Variants in MYLK4 observed in about 807,000 individuals in gnomAD.
The protein encoded by MYLK4 is myosin light chain kinase family member 4, also known as caMLCK like.
MYLK4 carries 46 observed loss-of-function variants against 48.1 expected under a neutral mutation model. That is an observed-to-expected ratio of 0.96 (90% CI 0.75 to 1.22). The LOEUF (loss-of-function observed/expected upper bound fraction) is 1.22. Among genes scored for constraint, MYLK4 ranks in the 50% most tolerant of loss-of-function variants. The pLI is 0.00. For missense variants in MYLK4, 451 were observed against 486.1 expected (o/e 0.93, Z 0.68); for synonymous variants, 170 against 180.8 (o/e 0.94, Z 0.48).
At chr6:2,748,519 T>C (rs1764178218) in intron 2 of MYLK4, among the ~76,000 whole-genome samples, 1 of 152,250 alleles carries the variant, frequency 6.6e-6, no homozygotes. Context: ...TGACAGATAC[T>C]AGGCGGAGTG....
chr6:2,767,815 A>G, the MYLK4 span, among the ~76,000 whole-genome samples: 6 of 152,162 alleles, frequency 3.9e-5, no homozygotes, highest in East Asian at 3.8e-4. Context: ...GCTCAGTGAG[A>G]TGGGCGTTGG....
chr6:2,716,801 C>G (rs1326521337), intron 2 of MYLK4, among the ~76,000 whole-genome samples: 3 of 152,182 alleles, frequency 2.0e-5, no homozygotes, highest in African/African-American at 7.2e-5. Context: ...ATAGTAGTTC[C>G]TATCTGACAG....
chr6:2,675,216 G>A (rs1457683260), intron 10 of MYLK4, 91 bp from the exon 11 acceptor site: 2 of 893,360 alleles, frequency 2.2e-6, no homozygotes, highest in Non-Finnish European at 3.7e-6. Flanking sequence ...CTGCCTTCGG[G>A]AGACCAGATG....
At chr6:2,669,641 T>C (rs1760806979) in intron 12 of MYLK4, among the ~76,000 whole-genome samples, 1 of 152,108 alleles carries the variant, frequency 6.6e-6, no homozygotes, top group South Asian at 2.1e-4. Flanking sequence ...CACAGCCTGG[T>C]TGTCTGTGGA....
Position 2,678,366 on chromosome 6 carries a change from G to C in MYLK4, c.894C>G (p.Ser298Arg), listed in dbSNP as rs146700839. ...SVGVIAYMLL[S>R]GLSPFLGDND... Reference sequence around the variant, plus strand: ...TGTCACCCAGGAAAGGCGACAAACCGCTAAGTCTGGAGGACACGGGGTCCA... The same window carrying C: ...TGTCACCCAGGAAAGGCGACAAACCCCTAAGTCTGGAGGACACGGGGTCCA... The change falls in exon 10 of 13, where the codon AGC becomes AGG. Residue 298 changes from serine to arginine, a missense_variant. Ser to Arg is a moderately radical substitution (Grantham distance 110). Coordinates refer to ENST00000274643, the MANE Select transcript of MYLK4 (RefSeq NM_001012418.5). The C allele has an allele frequency of 6.2e-7, 1 of 1,613,798 alleles. No individual in the cohort carries two copies. The highest frequency in any genetic ancestry group is 8.5e-7 in the Non-Finnish European group (1 of 1,179,994).
At chr6:2,759,847 G>A in the MYLK4 span, among the ~76,000 whole-genome samples, 1 of 152,132 alleles carries the variant, frequency 6.6e-6, no homozygotes, top group Non-Finnish European at 1.5e-5. Flanking sequence ...GATTGAAGTA[G>A]ACTTTTGTCA....
the MYLK4 span, chr6:2,766,463 G>A: frequency 2.3e-5 from 34 of 1,497,818 alleles, no homozygotes; most frequent in Non-Finnish European, 2.7e-5. Flanking sequence ...GGCCTTGGCC[G>A]TTGGGCTTCC....
chr6:2,765,792 C>G, the MYLK4 span: 2 of 1,416,856 alleles, frequency 1.4e-6, no homozygotes, highest in South Asian at 2.9e-5. Flanking sequence ...TCGCACCGCG[C>G]CGGGGAGCGG....
intron 2 of MYLK4, among the ~76,000 whole-genome samples, chr6:2,693,208 A>C (rs9391962): frequency 0.23 from 35,395 of 152,178 alleles, 4,285 homozygotes; most frequent in African/African-American, 0.28. Context: ...TATAGACTAC[A>C]GTATCTGAAA....
chr6:2,761,131 G>A, the MYLK4 span, among the ~76,000 whole-genome samples: 4 of 152,186 alleles, frequency 2.6e-5, no homozygotes, highest in Non-Finnish European at 5.9e-5. Context: ...CAGCCAGGCT[G>A]ACTCTACTTG....
At chr6:2,758,858 C>A in the MYLK4 span, among the ~76,000 whole-genome samples, 1 of 152,022 alleles carries the variant, frequency 6.6e-6, no homozygotes, top group Non-Finnish European at 1.5e-5. Flanking sequence ...ATGAATATTA[C>A]AAAATGTATG....
In MYLK4 at chr6:2,666,244, G is replaced by A. The variant is rs12203065; in HGVS notation, c.*1681C>T. ...TGGATCTGAGAGATAATGGGGGAAAGCTGATGCAAAGTGAAACTGCCATCC... is the reference window on the plus strand; with the variant it reads ...TGGATCTGAGAGATAATGGGGGAAAACTGATGCAAAGTGAAACTGCCATCC... On this transcript the variant is annotated 3_prime_UTR_variant, in exon 13 of 13. Transcript: ENST00000274643. The A allele has an allele frequency of 0.38, 57,766 of 152,020 alleles. 11,278 individuals carry two copies. The highest frequency in any genetic ancestry group is 0.4 in the Non-Finnish European group (27,429 of 67,962). 9.4% of individuals were successfully genotyped at this position (152,020 alleles called of 1,614,324 possible).
At position 2,683,107 on chromosome 6, in the gene MYLK4, C is replaced by T. The variant is rs763361432; in HGVS notation, c.601G>A (p.Glu201Lys). 1.9e-6 allele frequency: 3 copies of T among 1,614,128 alleles called. No homozygotes were observed. The highest frequency in any genetic ancestry group is 1.7e-6 in the Non-Finnish European group (2 of 1,180,042). ...RIIDESYNLT[E>K]LDTILFMKQI... ...TTCATGAACAGGATGGTATCAAGCT[C>T]CGTCAAATTGTAGCTCTCATCGATG... Residue 201 changes from glutamate to lysine, a missense_variant, in exon 7 of 13, where the codon GAG (glutamate) becomes AAG (lysine). Coordinates refer to ENST00000274643, the MANE Select transcript of MYLK4 (RefSeq NM_001012418.5).
chr6:2,749,817 G>A (rs1386902893), intron 1 of MYLK4, among the ~76,000 whole-genome samples: 1 of 152,178 alleles, frequency 6.6e-6, no homozygotes, highest in Non-Finnish European at 1.5e-5. Context: ...TCCCTCTGCA[G>A]AGGGATCGCT....
In MYLK4 at chr6:2,677,725, G is replaced by C. The variant is rs367938386; in HGVS notation, c.1040+495C>G. On this transcript the variant is annotated intron_variant, in intron 10 of 12. Coordinates refer to ENST00000274643, the MANE Select transcript of MYLK4 (RefSeq NM_001012418.5). ...CTGTTCTGCCAATTACTGGCGGTAT[G>C]ATGATGGGCAAACCACGTGGGATCT... Among the ~76,000 whole-genome samples the C allele has an allele frequency of 4.6e-5, 7 of 152,324 alleles. No individual in the cohort carries two copies. The South Asian group carries it at 1.2e-3, about 27-fold the overall frequency.
intron 2 of MYLK4, among the ~76,000 whole-genome samples, chr6:2,735,563 T>C (rs1457764485): frequency 6.6e-6 from 1 of 152,206 alleles, no homozygotes; most frequent in African/African-American, 2.4e-5. Context: ...CAATTGAGAA[T>C]GGACATGTCT....
chr6:2,762,715 T>A, the MYLK4 span, among the ~76,000 whole-genome samples: 5 of 152,222 alleles, frequency 3.3e-5, no homozygotes, highest in Non-Finnish European at 7.3e-5. Flanking sequence ...ACGGAAACTG[T>A]TAACAGTTCT....
intron 2 of MYLK4, among the ~76,000 whole-genome samples, chr6:2,712,924 C>T (rs1045302371): frequency 2.0e-5 from 3 of 152,204 alleles, no homozygotes; most frequent in African/African-American, 7.2e-5. Flanking sequence ...GGTTCTCATC[C>T]CATTTCTGCT....
rs1760550321 is a variant in MYLK4, at chr6:2,664,140, G to C, written c.*3785C>G. 1 of 152,224 alleles carries C rather than the reference G, an allele frequency of 6.6e-6. No individual in the cohort carries two copies. Among genetic ancestry groups the C allele is most frequent in the Non-Finnish European group, 1.5e-5 (1 of 68,032 alleles). 9.4% of individuals were successfully genotyped at this position (152,224 alleles called of 1,614,324 possible). A position where few individuals can be genotyped will look rare whatever the true frequency, so the allele number is the denominator to read the frequency against. ...TTCCCTTTAGGACAGACGGAAAGTT[G>C]CCTCCTGGTAAGAAAATTTCTTAAT... On this transcript the variant is annotated 3_prime_UTR_variant, in exon 13 of 13. Transcript: ENST00000274643.
Sources: gnomAD v4.1 joint callset for allele counts (sites outside exome capture counted in the v4.1 genomes callset) on GRCh38, gnomAD v4.1.1 for gene constraint, MANE v1.5 for transcripts, NCBI Gene and HGNC (gene_info 2026-07-23, HGNC 2026-07-21) for gene names.